Variants in GLCE observed in about 807,000 individuals in gnomAD.
The protein encoded by GLCE is D-glucuronyl C5-epimerase.
Under a neutral mutation model 47.9 loss-of-function variants are expected in GLCE, and 19 were observed. The observed-to-expected ratio is 0.40, with a 90% CI of 0.28 to 0.58. GLCE has a LOEUF of 0.58. Among genes scored for constraint, GLCE ranks in the 20% least tolerant of loss-of-function variants. The pLI is 0.48. For missense variants in GLCE, 556 were observed against 743.3 expected, an observed-to-expected ratio of 0.75 and a Z score of 2.93; for synonymous variants, 245 against 263.4, an observed-to-expected ratio of 0.93 and a Z score of 0.68.
At chr15:69,177,239 T>C (rs138289809) in intron 1 of GLCE, among the ~76,000 whole-genome samples, 1 of 148,998 alleles carries the variant, frequency 6.7e-6, no homozygotes, top group Admixed American at 6.7e-5. Flanking sequence ...AATTTTTGTA[T>C]TTTTAGTAGA....
chr15:69,204,185 G>C (rs2052115491), intron 1 of GLCE, among the ~76,000 whole-genome samples: 2 of 151,260 alleles, frequency 1.3e-5, no homozygotes, highest in Admixed American at 1.3e-4. Context: ...CTGAAATACT[G>C]TGTTTTCCAG....
intron 1 of GLCE, among the ~76,000 whole-genome samples, chr15:69,174,632 A>AAAC (rs1363975727): frequency 6.6e-6 from 1 of 151,058 alleles, no homozygotes; most frequent in Non-Finnish European, 1.5e-5. Flanking sequence ...AAAACAAAAC[A>AAAC]AAACAAACAA....
At chr15:69,163,055 G>A (rs1044523120) in intron 1 of GLCE, among the ~76,000 whole-genome samples, 1 of 152,184 alleles carries the variant, frequency 6.6e-6, no homozygotes, top group Non-Finnish European at 1.5e-5. Flanking sequence ...TGTTGTTGTT[G>A]TTATTCAGAC....
intron 1 of GLCE, among the ~76,000 whole-genome samples, chr15:69,166,656 A>G (rs1040769237): frequency 5.3e-5 from 8 of 152,206 alleles, no homozygotes; most frequent in Non-Finnish European, 1.2e-4. Context: ...GCGGTGGCTT[A>G]CGCCTCTAAT....
At chr15:69,264,645 T>A (rs1411068455) in intron 4 of GLCE, among the ~76,000 whole-genome samples, 1 of 152,156 alleles carries the variant, frequency 6.6e-6, no homozygotes, top group Non-Finnish European at 1.5e-5. Context: ...CCAATTTACA[T>A]TCCCACCCAA....
chr15:69,172,656 A>G (rs974974607), intron 1 of GLCE, among the ~76,000 whole-genome samples: 8 of 152,190 alleles, frequency 5.3e-5, no homozygotes, highest in Admixed American at 3.3e-4. Context: ...TTACATAGGT[A>G]GGTGGATTAG....
At chr15:69,211,480 C>T (rs569755781) in intron 2 of GLCE, among the ~76,000 whole-genome samples, 15 of 151,882 alleles carry the variant, frequency 9.9e-5, no homozygotes, top group Non-Finnish European at 8.8e-5. Context: ...GTTGGAGTTA[C>T]GTTTCTCTCT....
intron 3 of GLCE, among the ~76,000 whole-genome samples, chr15:69,257,135 A>G (rs977157478): frequency 1.3e-5 from 2 of 152,176 alleles, no homozygotes; most frequent in South Asian, 2.1e-4. Context: ...AACTAAATAT[A>G]TATTTTTTGC....
chr15:69,259,401 T>C (rs1456533840), intron 3 of GLCE, among the ~76,000 whole-genome samples: 1 of 152,172 alleles, frequency 6.6e-6, no homozygotes, highest in Non-Finnish European at 1.5e-5. Flanking sequence ...CTTTTTATGC[T>C]TAGAAAGGCA....
intron 1 of GLCE, chr15:69,197,343 C>A (rs373611414): frequency 8.3e-6 from 2 of 241,246 alleles, no homozygotes; most frequent in Non-Finnish European, 1.7e-5. Context: ...AAGAGTTTAT[C>A]GAATCCCAGA....
chr15:69,227,365 C>T (rs772376368), intron 2 of GLCE, among the ~76,000 whole-genome samples: 1 of 152,114 alleles, frequency 6.6e-6, no homozygotes, highest in Non-Finnish European at 1.5e-5. Context: ...CCTATGATAA[C>T]TCAAGTCACT....
chr15:69,179,996 T>A (rs8029277), intron 1 of GLCE, among the ~76,000 whole-genome samples: 106,247 of 151,912 alleles, frequency 0.7, 38,090 homozygotes, highest in Non-Finnish European at 0.78. Context: ...CAAAAACCAA[T>A]ACCATAACAA....
intron 1 of GLCE, among the ~76,000 whole-genome samples, chr15:69,166,294 TCTGA>T (rs1487192735): frequency 2.6e-5 from 4 of 152,228 alleles, no homozygotes; most frequent in Non-Finnish European, 4.4e-5. Flanking sequence ...TACATGTAGG[TCTGA>T]CTGTCTCCAG....
intron 3 of GLCE, 99 bp downstream of exon 3, chr15:69,256,491 A>G (rs2052927366): frequency 1.2e-6 from 1 of 834,696 alleles, no homozygotes. Flanking sequence ...GCTTACTGTC[A>G]AAAGACCTTT....
At chr15:69,166,329 C>T (rs776499931) in intron 1 of GLCE, among the ~76,000 whole-genome samples, 14 of 152,182 alleles carry the variant, frequency 9.2e-5, no homozygotes, top group Non-Finnish European at 7.3e-5. Context: ...TTTTCTAATA[C>T]TACACTGTTT....
At chr15:69,222,586 G>A (rs1184566401) in intron 2 of GLCE, among the ~76,000 whole-genome samples, 1 of 152,140 alleles carries the variant, frequency 6.6e-6, no homozygotes, top group Non-Finnish European at 1.5e-5. Context: ...ACCCTGTGTG[G>A]GGTTCCCAGT....
At chr15:69,206,202 T>C (rs1268221955) in intron 1 of GLCE, among the ~76,000 whole-genome samples, 1 of 151,912 alleles carries the variant, frequency 6.6e-6, no homozygotes. Context: ...GTCTCTCAAT[T>C]TGTGTTTGTC....
At chr15:69,231,323 G>A (rs748560495) in intron 2 of GLCE, among the ~76,000 whole-genome samples, 4 of 146,122 alleles carry the variant, frequency 2.7e-5, no homozygotes, top group African/African-American at 5.1e-5. Flanking sequence ...TCGCTCTGTC[G>A]CCCAGGCTGG....
intron 1 of GLCE, among the ~76,000 whole-genome samples, chr15:69,209,580 G>A (rs933498471): frequency 6.6e-6 from 1 of 152,076 alleles, no homozygotes; most frequent in African/African-American, 2.4e-5. Flanking sequence ...CTCAAAGTCT[G>A]TGTATGTTTG....
Sources: allele counts gnomAD v4.1 joint callset (sites outside exome capture counted in the v4.1 genomes callset), GRCh38; gene constraint gnomAD v4.1.1; transcripts MANE v1.5; gene names NCBI Gene and HGNC (gene_info 2026-07-23, HGNC 2026-07-21).